The following EDEM2 variants were observed in gnomAD, a reference collection of about 807,000 sequenced individuals.
The protein encoded by EDEM2 is ER degradation enhancing alpha-mannosidase like protein 2.
Under a neutral mutation model 64.8 loss-of-function variants are expected in EDEM2, and 39 were observed. That is an observed-to-expected ratio of 0.60 (90% CI 0.47 to 0.79). The LOEUF is 0.79. Ranked by LOEUF, EDEM2 falls within the 30% of genes least tolerant of loss-of-function variation. EDEM2 has a pLI of 0.00. For missense variants in EDEM2, 609 were observed against 731.3 expected, an observed-to-expected ratio of 0.83 and a Z score of 1.93; for synonymous variants, 296 against 291.5, an observed-to-expected ratio of 1.02 and a Z score of -0.16.
At position 35,115,485 on chromosome 20, in the gene EDEM2, G is replaced by A. The variant is rs773395711; in HGVS notation, c.1685C>T (p.Pro562Leu). The A allele has an allele frequency of 6.2e-7, 1 of 1,613,150 alleles. No individual in the cohort carries two copies. The highest frequency in any genetic ancestry group is 8.5e-7 in the Non-Finnish European group (1 of 1,179,882). Reference protein sequence around the residue: ...KVPLLSCPSQPFTSKLALLGQ... With the variant: ...KVPLLSCPSQLFTSKLALLGQ... ...CAGTAATGCCAACTTGGAGGTGAAG[G>A]GCTGACTGGGGCAGCTGAGAAGTGG... Residue 562 changes from proline to leucine, a missense_variant, in exon 11 of 11, where the codon CCC (proline) becomes CTC (leucine). By Grantham distance (98) the Pro-to-Leu change is moderately conservative. Transcript: ENST00000374492.
chr20:35,132,346 G>C (rs1306456172), intron 6 of EDEM2, among the ~76,000 whole-genome samples: 1 of 151,554 alleles, frequency 6.6e-6, no homozygotes, highest in Admixed American at 6.6e-5. Context: ...AGTCTCTGTA[G>C]AGACTGTGAA....
chr20:35,126,354 T>G lies in EDEM2; in HGVS notation c.866A>C (p.Asn289Thr). 6.2e-7 allele frequency: 1 copy of G among 1,613,756 alleles called. No homozygotes were observed. Among genetic ancestry groups the G allele is most frequent in the Non-Finnish European group, 8.5e-7 (1 of 1,179,938 alleles). Residue 289 changes from asparagine (N) to threonine (T), a missense_variant, in exon 8 of 11, where the codon AAC becomes ACC. By Grantham distance (65) the Asn-to-Thr change is moderately conservative. Transcript: ENST00000374492. Reference sequence around the variant, plus strand: ...GTACCAGTCATCGAAGCGGGTGTAGTTCCGGATGGCTTTGTTATACTCTGC... The same window carrying G: ...GTACCAGTCATCGAAGCGGGTGTAGGTCCGGATGGCTTTGTTATACTCTGC... ...MFLEYNKAIR[N>T]YTRFDDWYLW...
At chr20:35,143,084 A>G (rs1409759928) in intron 3 of EDEM2, among the ~76,000 whole-genome samples, 1 of 152,152 alleles carries the variant, frequency 6.6e-6, no homozygotes, top group Non-Finnish European at 1.5e-5. Flanking sequence ...TTTGCAGTAG[A>G]TACCAGTTGT....
chr20:35,125,628 C>A (rs2085422645), intron 8 of EDEM2, among the ~76,000 whole-genome samples: 2 of 152,172 alleles, frequency 1.3e-5, no homozygotes, highest in Admixed American at 6.6e-5. Flanking sequence ...TTGTGATCCG[C>A]CTGCCTCGGC....
At chr20:35,146,734 G>A (rs1241834577) in intron 2 of EDEM2, 91 bp downstream of exon 2, 8 of 1,376,686 alleles carry the variant, frequency 5.8e-6, no homozygotes, top group Admixed American at 2.0e-5. Context: ...TGCCGGTGAG[G>A]AGACCATGAA....
Position 35,124,013 on chromosome 20 carries a change from T to A in EDEM2, c.991A>T (p.Asn331Tyr). 1 of 1,613,546 alleles carries A rather than the reference T, an allele frequency of 6.2e-7. No individual in the cohort carries two copies. The highest frequency in any genetic ancestry group is 8.5e-7 in the Non-Finnish European group (1 of 1,179,602). The change falls in exon 9 of 11, where the codon AAT (asparagine) becomes TAT (tyrosine). Residue 331 changes from asparagine to tyrosine, a missense_variant. Coordinates refer to ENST00000374492, the MANE Select transcript of EDEM2 (RefSeq NM_018217.3). ...TAGTTGAGGAAGGTCCTCATGGCATTGTCAATGTCTCCAATGAGGCTCTGT... is the reference window on the plus strand; with the variant it reads ...TAGTTGAGGAAGGTCCTCATGGCATAGTCAATGTCTCCAATGAGGCTCTGT... ...GLQSLIGDID[N>Y]AMRTFLNYYT...
intron 9 of EDEM2, among the ~76,000 whole-genome samples, chr20:35,120,744 C>T (rs903327093): frequency 5.9e-5 from 9 of 151,976 alleles, no homozygotes; most frequent in Non-Finnish European, 1.2e-4. Flanking sequence ...ACTACAGGCA[C>T]ATGCCACCGT....
At chr20:35,137,768 T>C in intron 5 of EDEM2, 112 bp downstream of exon 5, 1 of 1,461,640 alleles carries the variant, frequency 6.8e-7, no homozygotes, top group Non-Finnish European at 9.2e-7. Context: ...AAAGACCAAA[T>C]ACACCTGGTG....
rs765544875 is a variant in EDEM2, at chr20:35,144,937, T to C, written c.258+42A>G. 1.3e-5 allele frequency: 21 copies of C among 1,604,946 alleles called. No homozygotes were observed. The South Asian group carries it at 2.3e-4, about 18-fold the overall frequency. Reference sequence around the variant, plus strand: ...CTGCCAAAAGAGGAAGGATGTTGGTTATGTAACAGTGGAAAGGAAAAGAAA... The same window carrying C: ...CTGCCAAAAGAGGAAGGATGTTGGTCATGTAACAGTGGAAAGGAAAAGAAA... On this transcript the variant is annotated intron_variant, in intron 3 of 10. Coordinates refer to ENST00000374492, the MANE Select transcript of EDEM2 (RefSeq NM_018217.3).
chr20:35,128,185 A>G (rs1208385539), intron 7 of EDEM2, among the ~76,000 whole-genome samples: 2 of 152,062 alleles, frequency 1.3e-5, no homozygotes, highest in African/African-American at 4.8e-5. Context: ...GTGTTAGACC[A>G]TCCTGCCTAA....
chr20:35,120,598 T>C (rs1331459038), intron 9 of EDEM2, among the ~76,000 whole-genome samples: 321 of 141,130 alleles, frequency 2.3e-3, no homozygotes, highest in Non-Finnish European at 2.8e-3. Flanking sequence ...TTCTTCTTTT[T>C]TTTTTTTTTT....
At chr20:35,145,905 G>A (rs1368091898) in intron 2 of EDEM2, among the ~76,000 whole-genome samples, 1 of 151,510 alleles carries the variant, frequency 6.6e-6, no homozygotes, top group Non-Finnish European at 1.5e-5. Context: ...GGGAGGCTGA[G>A]GCAGGAGAAT....
rs190548090 is a variant in EDEM2, at chr20:35,129,845, T to C, written c.844+1797A>G. ...GTCTATAGTATTCAGTAGAGTAACATGCTGTACAGGTTTGTAGCCTAGGAG... is the reference window on the plus strand; with the variant it reads ...GTCTATAGTATTCAGTAGAGTAACACGCTGTACAGGTTTGTAGCCTAGGAG... On this transcript the variant is annotated intron_variant, in intron 7 of 10. Coordinates refer to ENST00000374492, the MANE Select transcript of EDEM2 (RefSeq NM_018217.3). Among the ~76,000 whole-genome samples the C allele has an allele frequency of 2.9e-4, 44 of 152,286 alleles. No individual in the cohort carries two copies. In the East Asian group the frequency reaches 8.1e-3, roughly 28 times the overall value.
intron 10 of EDEM2, among the ~76,000 whole-genome samples, chr20:35,116,251 C>T (rs1281925262): frequency 3.9e-5 from 6 of 152,140 alleles, no homozygotes; most frequent in Non-Finnish European, 8.8e-5. Flanking sequence ...AGCAATTCCT[C>T]CTACCTTGGC....
chr20:35,141,230 CA>C (rs2085650133), intron 4 of EDEM2, among the ~76,000 whole-genome samples: 1 of 151,396 alleles, frequency 6.6e-6, no homozygotes, highest in African/African-American at 2.4e-5. Context: ...TTAAATGTGC[CA>C]GTTAAAGATT....
At chr20:35,124,123 G>T in intron 8 of EDEM2, 89 bp from the exon 9 acceptor site, 2 of 1,485,058 alleles carry the variant, frequency 1.3e-6, no homozygotes, top group South Asian at 1.3e-5. Flanking sequence ...AAATCTGTGG[G>T]GCCAAAAAGG....
chr20:35,146,763 C>T (rs1299340869), intron 2 of EDEM2, 62 bp downstream of exon 2: 10 of 1,568,110 alleles, frequency 6.4e-6, no homozygotes, highest in Non-Finnish European at 7.8e-6. Flanking sequence ...CCCCAGCTGA[C>T]CCGCCCGCCG....
In EDEM2 at chr20:35,115,440, G is replaced by A; in HGVS notation, c.1730C>T (p.Ser577Phe). ...LALLGQVFLD[S>F]S ...AAAAAAATTATCCAGTGGTTATGAGGAGTCTAGGAAAACCTGTCCCAGTAA... is the reference window on the plus strand; with the variant it reads ...AAAAAAATTATCCAGTGGTTATGAGAAGTCTAGGAAAACCTGTCCCAGTAA... The change falls in exon 11 of 11, where the codon TCC becomes TTC. Residue 577 changes from serine (S) to phenylalanine (F), a missense_variant. By Grantham distance (155) the Ser-to-Phe change is radical (BLOSUM62 -2). Coordinates refer to ENST00000374492, the MANE Select transcript of EDEM2 (RefSeq NM_018217.3). The A allele has an allele frequency of 1.2e-6, 2 of 1,613,448 alleles. No individual in the cohort carries two copies. The highest frequency in any genetic ancestry group is 1.1e-5 in the South Asian group (1 of 91,066).
chr20:35,122,318 T>C (rs1368579725), intron 9 of EDEM2, among the ~76,000 whole-genome samples: 3 of 152,224 alleles, frequency 2.0e-5, no homozygotes, highest in Non-Finnish European at 4.4e-5. Context: ...CCCTAATCTT[T>C]ACCTGTTGGT....
Sources: allele counts gnomAD v4.1 joint callset (sites outside exome capture counted in the v4.1 genomes callset), GRCh38; gene constraint gnomAD v4.1.1; transcripts MANE v1.5; gene names NCBI Gene and HGNC (gene_info 2026-07-23, HGNC 2026-07-21).